The following DHTKD1 variants were observed in gnomAD, a reference collection of about 807,000 sequenced individuals.
The protein encoded by DHTKD1 is 2-oxoadipate dehydrogenase complex component E1.
DHTKD1 carries 78 observed loss-of-function variants against 101.8 expected under a neutral mutation model. That is an observed-to-expected ratio of 0.77 (90% CI 0.64 to 0.93). The LOEUF is 0.93. Ranked by LOEUF, DHTKD1 falls within the 40% of genes least tolerant of loss-of-function variation. The pLI, the probability that DHTKD1 is intolerant of heterozygous loss-of-function variation, is 0.00. For synonymous variants in DHTKD1, 462 were observed against 450.3 expected (o/e 1.03, Z -0.33); for missense variants, 1,223 against 1,161.7 (o/e 1.05, Z -0.77).
chr10:12,074,394 C>T lies in DHTKD1; in HGVS notation c.154+5207C>T, dbSNP rs527809827. ...TTTTTGAGACGGAGTCTTGCTCTGT[C>T]GCCCAGGCTGGAGTGCAGTGGCACG... On this transcript the variant is annotated intron_variant, in intron 1 of 16. Coordinates refer to ENST00000263035, the MANE Select transcript of DHTKD1 (RefSeq NM_018706.7). 1.3e-4 allele frequency among the ~76,000 whole-genome samples: 20 copies of T among 152,096 alleles called. No individual in the cohort carries two copies. The South Asian group carries it at 4.0e-3, about 30-fold the overall frequency.
Position 12,100,274 on chromosome 10 carries a change from C to CTTTTTTTTTTG in DHTKD1, c.1756+22_1756+23insGTTTTTTTTTT. ...TTTACTTGCTCAAGGTAAGAATTTT[C>CTTTTTTTTTTG]TTTTTTTTTTCTGTTTTTTTTTTTT... On this transcript the variant is annotated intron_variant, in intron 9 of 16. Transcript: ENST00000263035. 1 of 351,674 alleles carries CTTTTTTTTTTG rather than the reference C, an allele frequency of 2.8e-6. No individual in the cohort carries two copies. The allele number at this position is 351,674 out of a possible 1,614,324, so 21.8% of individuals were successfully genotyped here. A position where few individuals can be genotyped will look rare whatever the true frequency, so the allele number is the denominator to read the frequency against.
rs1055132922 is a variant in DHTKD1 at position 12,103,309 on chromosome 10, G to A, written c.1896+2128G>A. On this transcript the variant is annotated intron_variant, in intron 10 of 16. Transcript: ENST00000263035. This position sits in a 1 kb window ranked among gnomAD's most constrained non-coding sequence, Gnocchi z 4.8. ...CTCCTGCTTGATCTTGGTAGTGAGAGTAGCTATATTTTCCTGAGTAGTGAT... is the reference window on the plus strand; with the variant it reads ...CTCCTGCTTGATCTTGGTAGTGAGAATAGCTATATTTTCCTGAGTAGTGAT... Among the ~76,000 whole-genome samples the A allele has an allele frequency of 1.1e-4, 17 of 152,112 alleles. No homozygotes were observed. The highest frequency in any genetic ancestry group is 3.6e-4 in the African/African-American group (15 of 41,420).
chr10:12,087,694 A>T lies in DHTKD1; in HGVS notation c.682A>T (p.Asn228Tyr). The change falls in exon 4 of 17, where the codon AAT becomes TAT. Residue 228 changes from asparagine to tyrosine, a missense_variant. Asn to Tyr is a moderately radical substitution (Grantham distance 143, BLOSUM62 -2). Transcript: ENST00000263035. The surrounding 1 kb of genome is among the most constrained non-coding windows in gnomAD (Gnocchi z 5.2). ...TGGGATGCCCCATAGAGGGAGGCTG[A>T]ATTTATTGACAGGCCTTCTGCAGTT... ...IIGMPHRGRL[N>Y]LLTGLLQFPP... 6.2e-7 allele frequency: 1 copy of T among 1,610,036 alleles called. No homozygotes were observed. Among genetic ancestry groups the T allele is most frequent in the South Asian group, 1.1e-5 (1 of 90,466 alleles).
Position 12,094,869 on chromosome 10 carries a change from G to A in DHTKD1, c.1358+598G>A, listed in dbSNP as rs190507868. Among the ~76,000 whole-genome samples the A allele has an allele frequency of 7.3e-5, 11 of 150,832 alleles. No individual in the cohort carries two copies. In the East Asian group the frequency reaches 1.6e-3, roughly 22 times the overall value. ...TTGGCTAGGCTGGTCTCAAACTCCC[G>A]GTCTCAAGTGATCCACCTGCCTTAG... is the stretch of plus-strand genomic sequence containing the variant. On this transcript the variant is annotated intron_variant, in intron 7 of 16. Coordinates refer to ENST00000263035, the MANE Select transcript of DHTKD1 (RefSeq NM_018706.7).
chr10:12,101,529 GC>G (rs1475068986), intron 10 of DHTKD1, among the ~76,000 whole-genome samples: 1 of 152,218 alleles, frequency 6.6e-6, no homozygotes, highest in Non-Finnish European at 1.5e-5. Context: ...CTTAAGGATA[GC>G]AAAATCGCAC....
intron 6 of DHTKD1, among the ~76,000 whole-genome samples, 168 bp downstream of exon 6, chr10:12,091,852 T>C (rs2131360882): frequency 6.6e-6 from 1 of 152,188 alleles, no homozygotes; most frequent in East Asian, 1.9e-4. Context: ...TCACCCAGCC[T>C]GTAGTGCAGC....
At chr10:12,090,540 T>A (rs1832976766) in intron 5 of DHTKD1, among the ~76,000 whole-genome samples, 1 of 151,882 alleles carries the variant, frequency 6.6e-6, no homozygotes, top group Admixed American at 6.6e-5. Context: ...AGGAGTGCAA[T>A]GGTGCAATCA....
In DHTKD1 at chr10:12,081,544, T is replaced by C. The variant is rs1183921646; in HGVS notation, c.227T>C (p.Leu76Pro). ...CATAAAGCTGCCAAAATCAACCCCC[T>C]CTTCACCGGACAAGCCCTGCTGGAG... ...HGHKAAKINPLFTGQALLENV... is the reference protein window; with the variant it reads ...HGHKAAKINPPFTGQALLENV... The change falls in exon 2 of 17, where the codon CTC becomes CCC. Residue 76 changes from leucine (L) to proline (P), a missense_variant. Coordinates refer to ENST00000263035, the MANE Select transcript of DHTKD1 (RefSeq NM_018706.7). The C allele has an allele frequency of 5.6e-6, 9 of 1,614,002 alleles. No individual in the cohort carries two copies. Among genetic ancestry groups the C allele is most frequent in the South Asian group, 1.1e-5 (1 of 91,092 alleles).
chr10:12,099,058 T>TC (rs964226222), intron 8 of DHTKD1, among the ~76,000 whole-genome samples: 1 of 151,792 alleles, frequency 6.6e-6, no homozygotes, highest in Admixed American at 6.6e-5. Flanking sequence ...TAGTCTCAGC[T>TC]CCTCAGGAGG....
chr10:12,108,826 A>G (rs1011960483), intron 12 of DHTKD1, among the ~76,000 whole-genome samples: 4 of 152,114 alleles, frequency 2.6e-5, no homozygotes, highest in Middle Eastern at 3.2e-3. Context: ...GTATCCTTCA[A>G]TGCATCTTAT....
At chr10:12,076,530 T>G (rs539981113) in intron 1 of DHTKD1, among the ~76,000 whole-genome samples, 18 of 152,166 alleles carry the variant, frequency 1.2e-4, no homozygotes, top group African/African-American at 4.3e-4. Flanking sequence ...GAGAATACAG[T>G]AAGCAAAAAA....
Position 12,098,007 on chromosome 10 carries a change from T to C in DHTKD1, c.1671+11T>C, listed in dbSNP as rs888478464. The C allele has an allele frequency of 1.9e-6, 3 of 1,585,538 alleles. No individual in the cohort carries two copies. Among genetic ancestry groups the C allele is most frequent in the Admixed American group, 3.5e-5 (2 of 57,140 alleles). ...AAGACACATGTTCAGGTGGGCAGCC[T>C]CCAAATGGCTGGTTATTGCTTCTCC... On this transcript the variant is annotated intron_variant, in intron 8 of 16. Transcript: ENST00000263035.
Position 12,081,396 on chromosome 10 carries a change from T to G in DHTKD1, c.155-76T>G, listed in dbSNP as rs1427580781. 2.4e-6 allele frequency: 3 copies of G among 1,267,888 alleles called. No homozygotes were observed. The East Asian group carries it at 7.0e-5, about 29-fold the overall frequency. The allele number at this position is 1,267,888 out of a possible 1,614,324, so 78.5% of individuals were successfully genotyped here. On this transcript the variant is annotated intron_variant, in intron 1 of 16. Coordinates refer to ENST00000263035, the MANE Select transcript of DHTKD1 (RefSeq NM_018706.7). ...TAAGGTGTCTAGGGCTGTAAGAGCT[T>G]CTTTGAAAATCTGATTTTTGTGATT...
At chr10:12,106,913 C>A (rs571109050) in intron 11 of DHTKD1, among the ~76,000 whole-genome samples, 2 of 152,228 alleles carry the variant, frequency 1.3e-5, no homozygotes, top group Non-Finnish European at 2.9e-5. Context: ...TCTGTCGTGC[C>A]CACCACCCCC....
chr10:12,115,290 T>C (rs1368380086), intron 13 of DHTKD1, among the ~76,000 whole-genome samples: 1 of 152,016 alleles, frequency 6.6e-6, no homozygotes, highest in African/African-American at 2.4e-5. Context: ...AGAGACAGAG[T>C]TTCATCATGT....
At chr10:12,106,908 C>T (rs143727069) in intron 11 of DHTKD1, among the ~76,000 whole-genome samples, 32 of 152,186 alleles carry the variant, frequency 2.1e-4, no homozygotes, top group South Asian at 8.3e-4. Context: ...ACTGTTCTGT[C>T]GTGCCCACCA....
chr10:12,100,285 C>CTGCTTTTTTTTT, intron 9 of DHTKD1, 23 bp downstream of exon 9: 3 of 228,240 alleles, frequency 1.3e-5, no homozygotes, highest in Non-Finnish European at 2.1e-5. Context: ...TTTTTTTTTT[C>CTGCTTTTTTTTT]TGTTTTTTTT....
At position 12,097,681 on chromosome 10, in the gene DHTKD1, C is replaced by T. The variant is rs1394785056; in HGVS notation, c.1359-3C>T. On this transcript the variant is annotated splice_region_variant and splice_polypyrimidine_tract_variant and intron_variant, in intron 7 of 16. Transcript: ENST00000263035. ...ATTTTTGTTTCTTCTCTTTCTTGGG[C>T]AGAGCTCGAAAGAGCATTCCAGACA... 6.2e-7 allele frequency: 1 copy of T among 1,603,030 alleles called. No individual in the cohort carries two copies. Among genetic ancestry groups the T allele is most frequent in the South Asian group, 1.1e-5 (1 of 89,246 alleles).
intron 7 of DHTKD1, among the ~76,000 whole-genome samples, chr10:12,095,767 C>G (rs539502438): frequency 7.0e-4 from 88 of 125,002 alleles, no homozygotes; most frequent in African/African-American, 2.4e-3. Context: ...GAGCCCAGAT[C>G]GCACCACTGC....
Sources: gnomAD v4.1 joint callset for allele counts (sites outside exome capture counted in the v4.1 genomes callset) on GRCh38, gnomAD v4.1.1 for gene constraint, Gnocchi (gnomAD v3.1) non-coding constraint, MANE v1.5 for transcripts, NCBI Gene and HGNC (gene_info 2026-07-23, HGNC 2026-07-21) for gene names.